The following MICAL3 variants were observed in gnomAD, a reference collection of about 807,000 sequenced individuals.
The protein encoded by MICAL3 is [F-actin]-monooxygenase MICAL3.
MICAL3 carries 62 observed loss-of-function variants against 207.4 expected under a neutral mutation model. The ratio of observed to expected loss-of-function variants is 0.30; its 90% CI spans 0.24 to 0.37. MICAL3 has a LOEUF of 0.37. MICAL3 is among the 10% of genes least tolerant of loss of function. The pLI is 1.00. For missense variants in MICAL3, 2,368 were observed against 2,635.6 expected (o/e 0.90, Z 2.22); for synonymous variants, 1,077 against 1,069.3 (o/e 1.01, Z -0.14).
At chr22:17,829,413 C>T (rs1468617918) in intron 21 of MICAL3, among the ~76,000 whole-genome samples, 2 of 152,216 alleles carry the variant, frequency 1.3e-5, no homozygotes, top group Non-Finnish European at 2.9e-5. Flanking sequence ...AGGTGATCCA[C>T]ACGCCTCGGC....
chr22:17,791,341 C>CG, intron 29 of MICAL3, 40 bp from the exon 30 acceptor site: 1 of 1,534,768 alleles, frequency 6.5e-7, no homozygotes, highest in Non-Finnish European at 9.0e-7. Flanking sequence ...GGGAGTGCCG[C>CG]GCCCACCCTG....
chr22:17,998,655 C>T (rs928835527), intron 1 of MICAL3, among the ~76,000 whole-genome samples: 3 of 151,498 alleles, frequency 2.0e-5, no homozygotes, highest in Non-Finnish European at 2.9e-5. Context: ...TCCCAATTCC[C>T]GGTTAAGCAA....
At chr22:17,816,805 C>G (rs370190427) in intron 26 of MICAL3, 21 bp from the exon 27 acceptor site, 10 of 1,534,132 alleles carry the variant, frequency 6.5e-6, no homozygotes, top group African/African-American at 4.1e-5. Flanking sequence ...AGGGAGGCCA[C>G]GTGAGGACAG....
Position 17,896,865 on chromosome 22 carries a change from A to G in MICAL3, c.1065T>C (p.Asp355=), listed in dbSNP as rs1930890405. The change falls in exon 8 of 32, where the codon GAT becomes GAC. Residue 355 remains aspartate, a synonymous_variant. Transcript: ENST00000441493. ...GCTGCCCATAGTGATTGATGGCAAA[A>G]TCCAGAGACGGCAGCTGCTGCTGGG... ...FSTQQQLPSL[D]FAINHYGQPD... 1 of 1,614,150 alleles carries G rather than the reference A, an allele frequency of 6.2e-7. No homozygotes were observed. The highest frequency in any genetic ancestry group is 8.5e-7 in the Non-Finnish European group (1 of 1,180,016).
chr22:17,819,918 G>A (rs2146012334), intron 25 of MICAL3, among the ~76,000 whole-genome samples: 1 of 141,614 alleles, frequency 7.1e-6, no homozygotes, highest in African/African-American at 2.7e-5. Context: ...ATCCTAGCCT[G>A]GGTGACAGTG....
rs1479429040 is a variant in MICAL3 at position 17,894,684 on chromosome 22, C to T, written c.1449+600G>A. Among the ~76,000 whole-genome samples the T allele has an allele frequency of 1.5e-4, 22 of 151,494 alleles. 1 individual carries two copies. The highest frequency in any genetic ancestry group is 1.4e-3 in the Admixed American group (22 of 15,204). On this transcript the variant is annotated intron_variant, in intron 10 of 31. Coordinates refer to ENST00000441493, the MANE Select transcript of MICAL3 (RefSeq NM_015241.3). ...TGGAGGTGGGTGCCTGTAATCCCAG[C>T]TACTCGGGAGGCTGAGGCAGGAGAA...
At chr22:17,860,914 A>G (rs893920778) in intron 19 of MICAL3, 23 of 985,166 alleles carry the variant, frequency 2.3e-5, no homozygotes, top group Non-Finnish European at 2.7e-5. Flanking sequence ...ACAGCTTCAC[A>G]ATTATTATAA....
intron 29 of MICAL3, among the ~76,000 whole-genome samples, chr22:17,799,841 A>G (rs996589654): frequency 1.3e-5 from 2 of 152,182 alleles, no homozygotes; most frequent in African/African-American, 4.8e-5. Context: ...ATAAAGCTCC[A>G]GGTTGGGAGG....
intron 1 of MICAL3, among the ~76,000 whole-genome samples, chr22:18,024,025 G>C (rs994671625): frequency 2.6e-5 from 4 of 152,204 alleles, no homozygotes; most frequent in Non-Finnish European, 5.9e-5. Flanking sequence ...TCTGGGGAGT[G>C]TGTGGTACGT....
At position 17,961,151 on chromosome 22, in the gene MICAL3, G is replaced by A. The variant is rs192790109; in HGVS notation, c.-74-54265C>T. Among the ~76,000 whole-genome samples, 1,151 of 152,242 alleles carry A rather than the reference G, an allele frequency of 7.6e-3. 6 individuals are homozygous for A. Among genetic ancestry groups the A allele is most frequent in the Non-Finnish European group, 0.013 (858 of 67,998 alleles). On this transcript the variant is annotated intron_variant, in intron 1 of 31. Transcript: ENST00000441493. ...AAAAATCCAGAGGATGGCTGGCGGT[G>A]GCCTGGCCTAGGAGTCAGTGTAGGT...
intron 1 of MICAL3, among the ~76,000 whole-genome samples, chr22:17,973,791 C>T (rs1478779563): frequency 6.6e-6 from 1 of 152,060 alleles, no homozygotes; most frequent in East Asian, 1.9e-4. Context: ...CATGGTGGCA[C>T]GCACTTGTGG....
chr22:17,944,173 T>C (rs766140612), intron 1 of MICAL3, among the ~76,000 whole-genome samples: 2 of 152,178 alleles, frequency 1.3e-5, no homozygotes, highest in Non-Finnish European at 2.9e-5. Context: ...AAGACTTTGG[T>C]TGACATGGAC....
chr22:17,866,735 G>C (rs1927200091), intron 17 of MICAL3, among the ~76,000 whole-genome samples: 1 of 152,162 alleles, frequency 6.6e-6, no homozygotes, highest in Admixed American at 6.5e-5. Context: ...TTATTTCTTG[G>C]AACTTGCAGC....
chr22:17,861,562 C>A, intron 19 of MICAL3: 4 of 985,398 alleles, frequency 4.1e-6, no homozygotes, highest in Non-Finnish European at 4.8e-6. Flanking sequence ...ATTCAAGAAA[C>A]CTGTAACTAA....
intron 1 of MICAL3, among the ~76,000 whole-genome samples, chr22:17,928,743 G>A (rs1030440053): frequency 6.6e-6 from 1 of 152,222 alleles, no homozygotes; most frequent in Non-Finnish European, 1.5e-5. Flanking sequence ...ATAGGGGGGT[G>A]ACCATAATCA....
Position 17,862,116 on chromosome 22 carries a change from G to A in MICAL3, c.2605+2783C>T, listed in dbSNP as rs1926577539. 1.5e-5 allele frequency: 15 copies of A among 985,244 alleles called. No individual in the cohort carries two copies. The South Asian group carries it at 5.6e-4, about 37-fold the overall frequency. 61.0% of individuals were successfully genotyped at this position (985,244 alleles called of 1,614,324 possible). ...ACGTGGGTCTAGGGAGGATGGCTGA[G>A]TTACACACAAGAGAATCAAGTGCCG... On this transcript the variant is annotated intron_variant, in intron 19 of 31. Coordinates refer to ENST00000441493, the MANE Select transcript of MICAL3 (RefSeq NM_015241.3).
At chr22:17,805,465 A>G (rs928910276) in intron 29 of MICAL3, among the ~76,000 whole-genome samples, 10 of 152,350 alleles carry the variant, frequency 6.6e-5, no homozygotes, top group African/African-American at 2.4e-4. Context: ...AAAATTCCAG[A>G]GAGTTTCTCA....
chr22:17,957,798 A>G (rs963232074), intron 1 of MICAL3, among the ~76,000 whole-genome samples: 2 of 151,726 alleles, frequency 1.3e-5, no homozygotes, highest in Admixed American at 6.6e-5. Flanking sequence ...TTCTTTCTTT[A>G]CTAAGAGAAG....
At chr22:18,022,865 G>T (rs540436434) in intron 1 of MICAL3, among the ~76,000 whole-genome samples, 1 of 152,306 alleles carries the variant, frequency 6.6e-6, no homozygotes, top group South Asian at 2.1e-4. Context: ...TCATGCTACA[G>T]ACTTGCAAAG....
Sources: allele counts gnomAD v4.1 joint callset (sites outside exome capture counted in the v4.1 genomes callset), GRCh38; gene constraint gnomAD v4.1.1; transcripts MANE v1.5; gene names NCBI Gene and HGNC (gene_info 2026-07-23, HGNC 2026-07-21).